Variants in CNTN1 observed in about 807,000 individuals in gnomAD.
CNTN1 encodes contactin 1.
A neutral mutation model predicts 126.4 loss-of-function variants in CNTN1; 38 were observed. The observed-to-expected ratio is 0.30, with a 90% CI of 0.23 to 0.39. CNTN1 has a LOEUF of 0.39. CNTN1 is among the 10% of genes least tolerant of loss of function. The probability of loss-of-function intolerance (pLI) is 1.00; values close to 1 mark genes in which losing one functional copy is unlikely to be tolerated. For synonymous variants in CNTN1, 413 were observed against 422.6 expected (o/e 0.98, Z 0.28); for missense variants, 1,009 against 1,248.4 (o/e 0.81, Z 2.89).
chr12:40,991,600 TG>T (rs1279609514), intron 16 of CNTN1, among the ~76,000 whole-genome samples: 1 of 152,030 alleles, frequency 6.6e-6, no homozygotes, highest in African/African-American at 2.4e-5. Flanking sequence ...GAGGCCAAGG[TG>T]GGTGGATCAC....
At chr12:41,041,268 C>A (rs990947984) in intron 23 of CNTN1, among the ~76,000 whole-genome samples, 3 of 152,166 alleles carry the variant, frequency 2.0e-5, no homozygotes, top group Non-Finnish European at 4.4e-5. Flanking sequence ...ATGAAGCCCA[C>A]TTGATCATGG....
intron 1 of CNTN1, among the ~76,000 whole-genome samples, chr12:40,704,293 T>C (rs1702084035): frequency 1.3e-5 from 2 of 152,200 alleles, no homozygotes; most frequent in Non-Finnish European, 2.9e-5. Flanking sequence ...TGAAACAGCA[T>C]ATCTAGATCA....
At chr12:40,737,738 A>G (rs1159942025) in intron 1 of CNTN1, among the ~76,000 whole-genome samples, 1 of 152,020 alleles carries the variant, frequency 6.6e-6, no homozygotes, top group Non-Finnish European at 1.5e-5. Context: ...AATCAAGTTG[A>G]CACTCAGTAT....
intron 1 of CNTN1, among the ~76,000 whole-genome samples, chr12:40,868,808 T>C (rs1943391262): frequency 6.6e-6 from 1 of 152,122 alleles, no homozygotes; most frequent in African/African-American, 2.4e-5. Flanking sequence ...CTGTGTTTTC[T>C]CTTCCCAGCA....
intron 1 of CNTN1, among the ~76,000 whole-genome samples, chr12:40,822,888 C>T (rs546967560): frequency 6.6e-6 from 1 of 152,286 alleles, no homozygotes; most frequent in African/African-American, 2.4e-5. Flanking sequence ...GTTTTTCTGA[C>T]TCCTACCCAC....
intron 1 of CNTN1, among the ~76,000 whole-genome samples, chr12:40,835,799 T>TACACACAC (rs10556497): frequency 1.4e-3 from 205 of 142,522 alleles, no homozygotes; most frequent in Middle Eastern, 3.7e-3. Context: ...ATGCTATTTA[T>TACACACAC]ACACACACAC....
chr12:40,921,148 C>T (rs1461070388), intron 4 of CNTN1, among the ~76,000 whole-genome samples: 1 of 152,142 alleles, frequency 6.6e-6, no homozygotes, highest in African/African-American at 2.4e-5. Context: ...GTTTTCTATA[C>T]TTGCTTTTAA....
chr12:40,920,195 C>G (rs529935440), intron 4 of CNTN1, among the ~76,000 whole-genome samples: 1 of 152,096 alleles, frequency 6.6e-6, no homozygotes, highest in East Asian at 1.9e-4. Context: ...CACAAGGGAC[C>G]TTAGCAAATC....
intron 19 of CNTN1, 117 bp from the exon 20 acceptor site, chr12:41,020,220 T>G: frequency 1.6e-6 from 1 of 644,468 alleles, no homozygotes; most frequent in Non-Finnish European, 2.7e-6. Flanking sequence ...GTAAAGCTAT[T>G]TTAGAAACAT....
intron 15 of CNTN1, among the ~76,000 whole-genome samples, chr12:40,969,774 A>G (rs1947436796): frequency 6.6e-6 from 1 of 152,200 alleles, no homozygotes; most frequent in African/African-American, 2.4e-5. Flanking sequence ...ATTGGGATGC[A>G]AGTGAGTGAG....
intron 16 of CNTN1, among the ~76,000 whole-genome samples, chr12:40,986,156 G>GTT (rs1947950081): frequency 6.6e-6 from 1 of 152,036 alleles, no homozygotes; most frequent in East Asian, 1.9e-4. Context: ...ACTTAACATA[G>GTT]TTATGCTAAA....
At chr12:40,722,071 A>T (rs1478216880) in intron 1 of CNTN1, among the ~76,000 whole-genome samples, 2 of 152,060 alleles carry the variant, frequency 1.3e-5, no homozygotes, top group East Asian at 3.9e-4. Flanking sequence ...AGCCGTGGGG[A>T]ACAACAGGCT....
At chr12:40,729,214 G>A (rs1386352251) in intron 1 of CNTN1, 2 of 195,374 alleles carry the variant, frequency 1.0e-5, no homozygotes, top group Non-Finnish European at 2.2e-5. Flanking sequence ...AAAGGGATGC[G>A]ACTTGTATCT....
chr12:41,043,788 G>T (rs1336395606), intron 23 of CNTN1, among the ~76,000 whole-genome samples: 1 of 151,232 alleles, frequency 6.6e-6, no homozygotes, highest in African/African-American at 2.4e-5. Flanking sequence ...AGAAAATGTG[G>T]CACATATACA....
At chr12:40,881,178 T>C (rs1943856410) in intron 1 of CNTN1, among the ~76,000 whole-genome samples, 1 of 151,926 alleles carries the variant, frequency 6.6e-6, no homozygotes, top group African/African-American at 2.4e-5. Flanking sequence ...ACAAGTGCAA[T>C]GCAGAAGTTT....
At chr12:40,901,049 A>G (rs552736136) in intron 1 of CNTN1, among the ~76,000 whole-genome samples, 2 of 152,330 alleles carry the variant, frequency 1.3e-5, no homozygotes, top group South Asian at 4.1e-4. Flanking sequence ...AGTAACAAGC[A>G]TATCTGCTTA....
In CNTN1 at chr12:40,790,681, A is replaced by G. The variant is rs369978258; in HGVS notation, c.-77+98089A>G. Among the ~76,000 whole-genome samples the G allele has an allele frequency of 1.4e-4, 22 of 152,042 alleles. No individual in the cohort carries two copies. The South Asian group carries it at 3.9e-3, about 27-fold the overall frequency. On this transcript the variant is annotated intron_variant, in intron 1 of 23. Transcript: ENST00000551295. ...ACCCCTCATTCAAAACCACTTTCCAATCTTAGGGGAGAATTTTCTGTCCAC... is the reference window on the plus strand; with the variant it reads ...ACCCCTCATTCAAAACCACTTTCCAGTCTTAGGGGAGAATTTTCTGTCCAC...
At chr12:41,068,966 G>A (rs909463039) in intron 23 of CNTN1, among the ~76,000 whole-genome samples, 2 of 152,072 alleles carry the variant, frequency 1.3e-5, no homozygotes, top group Non-Finnish European at 2.9e-5. Flanking sequence ...ACTCCAGCCT[G>A]AGCAATAGAA....
intron 1 of CNTN1, among the ~76,000 whole-genome samples, chr12:40,887,337 T>C (rs1944074373): frequency 6.6e-6 from 1 of 151,958 alleles, no homozygotes; most frequent in South Asian, 2.1e-4. Context: ...AAAAACCCCA[T>C]CAAAAAGTGG....
Sources: allele counts gnomAD v4.1 joint callset (sites outside exome capture counted in the v4.1 genomes callset), GRCh38; gene constraint gnomAD v4.1.1; transcripts MANE v1.5; gene names NCBI Gene and HGNC (gene_info 2026-07-23, HGNC 2026-07-21).